PCNX1: variants seen among roughly 807,000 people sequenced by gnomAD.
PCNX1 encodes pecanex 1.
A neutral mutation model predicts 242.2 loss-of-function variants in PCNX1; 78 were observed. The ratio of observed to expected loss-of-function variants is 0.32; its 90% confidence interval spans 0.27 to 0.39. The LOEUF (loss-of-function observed/expected upper bound fraction) is 0.39, where lower values mean the gene tolerates loss of function less well. Among genes scored for constraint, PCNX1 ranks in the 10% least tolerant of loss-of-function variants. PCNX1 has a pLI of 1.00. For synonymous variants in PCNX1, 1,024 were observed against 1,032.9 expected, an observed-to-expected ratio of 0.99 and a Z score of 0.17; for missense variants, 2,581 against 2,856.5, an observed-to-expected ratio of 0.90 and a Z score of 2.20.
intron 1 of PCNX1, among the ~76,000 whole-genome samples, chr14:70,935,372 C>T (rs2056960797): frequency 1.3e-5 from 2 of 152,116 alleles, no homozygotes; most frequent in Non-Finnish European, 2.9e-5. Flanking sequence ...CATAGCGAGA[C>T]ACTGTCCCTA....
chr14:71,080,126 G>A (rs1206071392), intron 28 of PCNX1, among the ~76,000 whole-genome samples: 1 of 152,112 alleles, frequency 6.6e-6, no homozygotes, highest in African/African-American at 2.4e-5. Context: ...TATTAAATAG[G>A]GAATCCTTTC....
In PCNX1 at chr14:71,023,329, A is replaced by G. The variant is rs533774732; in HGVS notation, c.3183+97A>G. ...TGTTTTTTTGTTTTGTTTGGAATGCATCAGCCTGAACTAAAATTTATGTTA... is the reference window on the plus strand; with the variant it reads ...TGTTTTTTTGTTTTGTTTGGAATGCGTCAGCCTGAACTAAAATTTATGTTA... On this transcript the variant is annotated intron_variant, in intron 13 of 35. Coordinates refer to ENST00000304743, the MANE Select transcript of PCNX1 (RefSeq NM_014982.3). The G allele has an allele frequency of 6.5e-5, 56 of 856,582 alleles. No individual in the cohort carries two copies. In the South Asian group the frequency reaches 8.0e-4, roughly 12 times the overall value. The allele number at this position is 856,582 out of a possible 1,614,324, so 53.1% of individuals were successfully genotyped here.
chr14:70,921,193 AT>A, intron 1 of PCNX1, among the ~76,000 whole-genome samples: 1 of 152,104 alleles, frequency 6.6e-6, no homozygotes, highest in East Asian at 1.9e-4. Context: ...AACCAATTTC[AT>A]TTTCACTCAG....
intron 6 of PCNX1, among the ~76,000 whole-genome samples, chr14:70,986,793 T>C (rs1348322830): frequency 6.6e-6 from 1 of 152,218 alleles, no homozygotes; most frequent in Non-Finnish European, 1.5e-5. Flanking sequence ...TTGATGTAGT[T>C]GGATTGACCT....
chr14:70,994,426 T>TATATATATATATAG lies in PCNX1; in HGVS notation c.2445-1311_2445-1310insATATATATAGATAT, dbSNP rs1387360991. 7.8e-3 allele frequency among the ~76,000 whole-genome samples: 900 copies of TATATATATATATAG among 114,878 alleles called. 12 individuals carry two copies. Among genetic ancestry groups the TATATATATATATAG allele is most frequent in the Non-Finnish European group, 0.014 (774 of 54,136 alleles). The allele number at this position is 114,878 out of a possible 152,430, so 75.4% of individuals were successfully genotyped here. On this transcript the variant is annotated intron_variant, in intron 7 of 35. Transcript: ENST00000304743. ...ATATATATATATATATATATATATA[T>TATATATATATATAG]ATATGTATGTATGTATGTTTCAACA... is the stretch of plus-strand genomic sequence containing the variant.
intron 30 of PCNX1, among the ~76,000 whole-genome samples, chr14:71,100,559 C>CT (rs2062436079): frequency 6.6e-6 from 1 of 152,144 alleles, no homozygotes; most frequent in Non-Finnish European, 1.5e-5. Context: ...ACCCTGGTGA[C>CT]TGTATGCCTG....
Position 71,114,702 on chromosome 14 carries a change from C to T in PCNX1, c.*4767C>T, listed in dbSNP as rs895743602. 1 of 152,424 alleles carries T rather than the reference C, an allele frequency of 6.6e-6. No homozygotes were observed. The highest frequency in any genetic ancestry group is 1.5e-5 in the Non-Finnish European group (1 of 68,016). The allele number at this position is 152,424 out of a possible 1,614,324, so 9.4% of individuals were successfully genotyped here. On this transcript the variant is annotated 3_prime_UTR_variant, in exon 36 of 36. Coordinates refer to ENST00000304743, the MANE Select transcript of PCNX1 (RefSeq NM_014982.3). ...ATACCTTTTTTCTTATGCCTCAGCT[C>T]TGTACCTGACAATTTATGATTCAGT... is the stretch of plus-strand genomic sequence containing the variant.
At chr14:71,049,110 G>T (rs914433233) in intron 22 of PCNX1, 1 of 901,338 alleles carries the variant, frequency 1.1e-6, no homozygotes, top group South Asian at 5.1e-5. Context: ...ATCTTATACT[G>T]GTTGGAAAAA....
In PCNX1 at chr14:70,962,310, C is replaced by A; in HGVS notation, c.447C>A (p.Ala149=). The A allele has an allele frequency of 6.2e-7, 1 of 1,611,150 alleles. No individual in the cohort carries two copies. The highest frequency in any genetic ancestry group is 1.1e-5 in the South Asian group (1 of 91,006). Residue 149 remains alanine (A), a synonymous_variant, in exon 3 of 36, where the codon GCC becomes GCA. Coordinates refer to ENST00000304743, the MANE Select transcript of PCNX1 (RefSeq NM_014982.3). ...PVGCSSRNSY[A]GLDPSNQIGS... is the part of the protein sequence containing the mutation. ...GTTGCAGTTCCAGAAATTCTTATGCCGGTCTAGATCCAAGCAACCAGGTAG... is the reference window on the plus strand; with the variant it reads ...GTTGCAGTTCCAGAAATTCTTATGCAGGTCTAGATCCAAGCAACCAGGTAG...
intron 3 of PCNX1, among the ~76,000 whole-genome samples, chr14:70,966,468 G>A (rs2058381441): frequency 6.6e-6 from 1 of 152,208 alleles, no homozygotes; most frequent in African/African-American, 2.4e-5. Flanking sequence ...GCAAGCAGTA[G>A]TGTGGGACAG....
intron 1 of PCNX1, among the ~76,000 whole-genome samples, chr14:70,932,743 G>A (rs1225130628): frequency 6.6e-6 from 1 of 152,002 alleles, no homozygotes; most frequent in Admixed American, 6.5e-5. Flanking sequence ...CTCCCGAGTA[G>A]CTGGGATTAC....
chr14:71,052,985 TCTA>T (rs1217547821), intron 24 of PCNX1, among the ~76,000 whole-genome samples: 1 of 152,220 alleles, frequency 6.6e-6, no homozygotes, highest in East Asian at 1.9e-4. Flanking sequence ...AATTTATAAT[TCTA>T]CTGACCATCT....
At chr14:71,024,926 C>T (rs1243733517) in intron 13 of PCNX1, among the ~76,000 whole-genome samples, 1 of 152,170 alleles carries the variant, frequency 6.6e-6, no homozygotes, top group Non-Finnish European at 1.5e-5. Flanking sequence ...TACTGTTTTT[C>T]TCTTACAGAT....
At chr14:71,058,831 C>T (rs2061250406) in intron 26 of PCNX1, among the ~76,000 whole-genome samples, 1 of 152,146 alleles carries the variant, frequency 6.6e-6, no homozygotes, top group Non-Finnish European at 1.5e-5. Context: ...ATTCTCTTTT[C>T]CTTCAAAATA....
At position 70,937,506 on chromosome 14, in the gene PCNX1, T is replaced by C. The variant is rs2057057244; in HGVS notation, c.154-9409T>C. Among the ~76,000 whole-genome samples, 4 of 151,972 alleles carry C rather than the reference T, an allele frequency of 2.6e-5. No individual in the cohort carries two copies. The South Asian group carries it at 8.3e-4, about 32-fold the overall frequency. ...CCATCGGTCTATATCTCTGTTTTGG[T>C]ACCAGGACCATGCTGTTTTGGTTAC... On this transcript the variant is annotated intron_variant, in intron 1 of 35. Coordinates refer to ENST00000304743, the MANE Select transcript of PCNX1 (RefSeq NM_014982.3).
At chr14:70,959,189 G>T (rs915980450) in intron 2 of PCNX1, among the ~76,000 whole-genome samples, 29 of 148,492 alleles carry the variant, frequency 2.0e-4, no homozygotes, top group African/African-American at 6.7e-4. Context: ...TTGGTGTGTG[G>T]TTTTTTCCCC....
At chr14:70,943,752 CAGAGGCCT>C (rs1424911104) in intron 1 of PCNX1, among the ~76,000 whole-genome samples, 1 of 146,124 alleles carries the variant, frequency 6.8e-6, no homozygotes, top group African/African-American at 2.6e-5. Flanking sequence ...ATCACGAGCC[CAGAGGCCT>C]AGAGGAAAAA....
intron 30 of PCNX1, among the ~76,000 whole-genome samples, chr14:71,097,181 A>T (rs1439845339): frequency 6.6e-6 from 1 of 152,192 alleles, no homozygotes; most frequent in African/African-American, 2.4e-5. Flanking sequence ...TCCATGGTGT[A>T]TACGTACCTC....
intron 1 of PCNX1, among the ~76,000 whole-genome samples, chr14:70,931,342 C>T (rs544300394): frequency 2.6e-5 from 4 of 152,182 alleles, no homozygotes; most frequent in Non-Finnish European, 5.9e-5. Flanking sequence ...ATGGTTAATT[C>T]TTTTTCCCAT....
Sources: allele counts gnomAD v4.1 joint callset (sites outside exome capture counted in the v4.1 genomes callset), GRCh38; gene constraint gnomAD v4.1.1; transcripts MANE v1.5; gene names NCBI Gene and HGNC (gene_info 2026-07-23, HGNC 2026-07-21).